Variants in AGMO observed in about 807,000 individuals in gnomAD.
AGMO encodes the protein alkylglycerol monooxygenase, also known as glyceryl-ether monooxygenase.
Under a neutral mutation model 60.2 loss-of-function variants are expected in AGMO, and 75 were observed. That is an observed-to-expected ratio of 1.25 (90% CI 1.03 to 1.51). The LOEUF (loss-of-function observed/expected upper bound fraction) is 1.51. AGMO is among the 40% of genes most tolerant of loss of function. AGMO has a pLI of 0.00. For synonymous variants in AGMO, 261 were observed against 177.1 expected (o/e 1.47, Z -3.76); for missense variants, 763 against 525.5 (o/e 1.45, Z -4.42).
intron 12 of AGMO, among the ~76,000 whole-genome samples, chr7:15,351,709 G>A (rs1782249506): frequency 6.6e-6 from 1 of 151,996 alleles, no homozygotes; most frequent in Non-Finnish European, 1.5e-5. Flanking sequence ...CATTTTAAGT[G>A]GACACATAAA....
At chr7:15,241,600 A>C (rs1027256980) in intron 12 of AGMO, among the ~76,000 whole-genome samples, 18 of 152,120 alleles carry the variant, frequency 1.2e-4, no homozygotes, top group Non-Finnish European at 1.9e-4. Context: ...TAGTAAAGGA[A>C]GACAACTGAC....
chr7:15,414,221 G>A (rs28663661), intron 5 of AGMO, among the ~76,000 whole-genome samples: 3 of 151,850 alleles, frequency 2.0e-5, no homozygotes, highest in Non-Finnish European at 4.4e-5. Flanking sequence ...GATTGGTCTC[G>A]ATCTCCTGAC....
intron 12 of AGMO, among the ~76,000 whole-genome samples, chr7:15,338,465 A>ATTT (rs1781731880): frequency 6.6e-6 from 1 of 151,464 alleles, no homozygotes; most frequent in Non-Finnish European, 1.5e-5. Flanking sequence ...TGATGCTCTG[A>ATTT]TCTTATTTAA....
rs190504668 is a variant in AGMO, at chr7:15,227,605, T to C, written c.1264-26246A>G. Reference sequence around the variant, plus strand: ...ATCACTTGGGACCAATATGGCCAACTGGAGTCTGCACAAAATAAGGATGCT... The same window carrying C: ...ATCACTTGGGACCAATATGGCCAACCGGAGTCTGCACAAAATAAGGATGCT... On this transcript the variant is annotated intron_variant, in intron 12 of 12. Coordinates refer to ENST00000342526, the MANE Select transcript of AGMO (RefSeq NM_001004320.2). Among the ~76,000 whole-genome samples the C allele has an allele frequency of 1.5e-3, 228 of 152,060 alleles. 1 individual carries two copies. The highest frequency in any genetic ancestry group is 5.2e-3 in the African/African-American group (216 of 41,492).
chr7:15,486,550 T>C lies in AGMO; in HGVS notation c.410-55442A>G, dbSNP rs570366953. Among the ~76,000 whole-genome samples, 466 of 152,054 alleles carry C rather than the reference T, an allele frequency of 3.1e-3. 1 individual carries two copies. Among genetic ancestry groups the C allele is most frequent in the African/African-American group, 0.01 (425 of 41,472 alleles). On this transcript the variant is annotated intron_variant, in intron 3 of 12. Coordinates refer to ENST00000342526, the MANE Select transcript of AGMO (RefSeq NM_001004320.2). ...AGCTTAGATTTTGTAAAAAAGAAAA[T>C]TTAAATGTAAGCAAACTGACAAAAT...
intron 12 of AGMO, among the ~76,000 whole-genome samples, chr7:15,337,014 G>C (rs983911825): frequency 1.3e-5 from 2 of 152,194 alleles, no homozygotes; most frequent in African/African-American, 2.4e-5. Context: ...TCAAACGTAT[G>C]TAACTGTGTA....
At chr7:15,374,876 T>C (rs765998785) in intron 10 of AGMO, among the ~76,000 whole-genome samples, 31 of 152,006 alleles carry the variant, frequency 2.0e-4, no homozygotes, top group Non-Finnish European at 4.1e-4. Context: ...ACCCTAAAAA[T>C]TTGCAGAGTG....
chr7:15,469,949 TGATATTATTTGG>T (rs1782404186), intron 3 of AGMO, among the ~76,000 whole-genome samples: 2 of 152,084 alleles, frequency 1.3e-5, no homozygotes, highest in South Asian at 2.1e-4. Flanking sequence ...AAAGAATGGA[TGATATTATTTGG>T]GATATTATTT....
the AGMO span, among the ~76,000 whole-genome samples, chr7:15,151,157 G>A: frequency 4.6e-5 from 7 of 151,858 alleles, no homozygotes; most frequent in African/African-American, 1.7e-4. Context: ...TGTCCTGTTG[G>A]GACAGTGATA....
the AGMO span, among the ~76,000 whole-genome samples, chr7:15,130,969 G>A: frequency 2.0e-5 from 3 of 152,118 alleles, no homozygotes; most frequent in East Asian, 5.8e-4. Flanking sequence ...TAAAAGATCA[G>A]AATAATTTAT....
chr7:15,516,909 T>C (rs909528400), intron 3 of AGMO, among the ~76,000 whole-genome samples: 1 of 151,992 alleles, frequency 6.6e-6, no homozygotes, highest in African/African-American at 2.4e-5. Flanking sequence ...TTTGCTTGTA[T>C]AGAATAAAGA....
intron 12 of AGMO, among the ~76,000 whole-genome samples, chr7:15,356,433 C>A (rs1782530992): frequency 6.6e-6 from 1 of 151,994 alleles, no homozygotes; most frequent in Admixed American, 6.6e-5. Context: ...GCATAGGAAA[C>A]TATATATAAG....
the AGMO span, among the ~76,000 whole-genome samples, chr7:15,155,583 A>G: frequency 2.0e-5 from 3 of 151,540 alleles, no homozygotes; most frequent in Non-Finnish European, 2.9e-5. Flanking sequence ...ACCTTCTTTT[A>G]TATCTTGATG....
At chr7:15,418,480 T>A in intron 5 of AGMO, 78 bp downstream of exon 5, 2 of 851,686 alleles carry the variant, frequency 2.3e-6, no homozygotes, top group Non-Finnish European at 3.8e-6. Context: ...ACACAATAAA[T>A]CATCTGCTAG....
intron 3 of AGMO, among the ~76,000 whole-genome samples, chr7:15,462,467 T>C (rs1782168107): frequency 6.6e-6 from 1 of 152,168 alleles, no homozygotes; most frequent in Non-Finnish European, 1.5e-5. Context: ...AGTTCTACTA[T>C]TTAAAATGTC....
At chr7:15,134,577 G>T in the AGMO span, among the ~76,000 whole-genome samples, 2 of 152,098 alleles carry the variant, frequency 1.3e-5, no homozygotes, top group Admixed American at 1.3e-4. Flanking sequence ...TCCTTAATTA[G>T]TTGGCTTAGG....
At chr7:15,246,553 C>T (rs766969242) in intron 12 of AGMO, among the ~76,000 whole-genome samples, 1 of 152,110 alleles carries the variant, frequency 6.6e-6, no homozygotes, top group Non-Finnish European at 1.5e-5. Flanking sequence ...ATTCTTGTAG[C>T]CCCAAATATA....
At chr7:15,153,048 A>T in the AGMO span, among the ~76,000 whole-genome samples, 40 of 152,266 alleles carry the variant, frequency 2.6e-4, no homozygotes, top group Middle Eastern at 3.4e-3. Flanking sequence ...GTGAGGTAGT[A>T]TCATGTTGTG....
At chr7:15,547,390 T>C (rs970079273) in intron 2 of AGMO, among the ~76,000 whole-genome samples, 1 of 152,072 alleles carries the variant, frequency 6.6e-6, no homozygotes, top group African/African-American at 2.4e-5. Flanking sequence ...GATTTCTGCA[T>C]TTCCATCTGA....
Sources: gnomAD v4.1 joint callset for allele counts (sites outside exome capture counted in the v4.1 genomes callset) on GRCh38, gnomAD v4.1.1 for gene constraint, MANE v1.5 for transcripts, NCBI Gene and HGNC (gene_info 2026-07-23, HGNC 2026-07-21) for gene names.